The following RABGAP1L variants were observed in gnomAD, a reference collection of about 807,000 sequenced individuals.
The protein encoded by RABGAP1L is rab GTPase-activating protein 1-like.
In RABGAP1L, 63 loss-of-function variants were observed where a neutral mutation model predicts 137.7. The observed-to-expected ratio is 0.46, with a 90% CI of 0.37 to 0.56. The LOEUF (loss-of-function observed/expected upper bound fraction) is 0.56. Among genes scored for constraint, RABGAP1L ranks in the 20% least tolerant of loss-of-function variants. The pLI is 0.00. For missense variants in RABGAP1L, 1,095 were observed against 1,244.0 expected (o/e 0.88, Z 1.80); for synonymous variants, 431 against 433.7 (o/e 0.99, Z 0.08).
chr1:174,784,105 C>T (rs1356499112), intron 18 of RABGAP1L, among the ~76,000 whole-genome samples: 1 of 147,524 alleles, frequency 6.8e-6, no homozygotes, highest in African/African-American at 2.5e-5. Flanking sequence ...CTACAAGCTC[C>T]GCCTCCCGGG....
chr1:174,752,846 A>G (rs758231814), intron 18 of RABGAP1L, among the ~76,000 whole-genome samples: 18 of 152,216 alleles, frequency 1.2e-4, no homozygotes, highest in Non-Finnish European at 2.4e-4. Context: ...TTAGAATTCT[A>G]TTGTAATTAC....
chr1:174,884,292 C>T (rs751261502), intron 19 of RABGAP1L, among the ~76,000 whole-genome samples: 1 of 152,140 alleles, frequency 6.6e-6, no homozygotes, highest in Non-Finnish European at 1.5e-5. Flanking sequence ...TAATTACTTC[C>T]TCCTTATCGG....
intron 7 of RABGAP1L, among the ~76,000 whole-genome samples, chr1:174,258,056 T>G (rs1025007798): frequency 6.6e-6 from 1 of 152,238 alleles, no homozygotes; most frequent in African/African-American, 2.4e-5. Context: ...TGACTAAGAT[T>G]TCTTCAGGTG....
At chr1:174,266,596 G>C (rs1169802079) in intron 7 of RABGAP1L, among the ~76,000 whole-genome samples, 2 of 152,150 alleles carry the variant, frequency 1.3e-5, no homozygotes, top group Non-Finnish European at 2.9e-5. Flanking sequence ...AACAAACTCT[G>C]CTGTTCAGTC....
intron 13 of RABGAP1L, among the ~76,000 whole-genome samples, chr1:174,613,172 C>A (rs1188486123): frequency 6.0e-5 from 9 of 150,510 alleles, no homozygotes; most frequent in African/African-American, 2.0e-4. Flanking sequence ...TGGATCTTTC[C>A]TGCTTTCTCT....
At chr1:174,438,715 CA>C (rs199672966) in intron 13 of RABGAP1L, among the ~76,000 whole-genome samples, 1 of 88,048 alleles carries the variant, frequency 1.1e-5, no homozygotes, top group Non-Finnish European at 2.1e-5. Context: ...AAGACTCTGT[CA>C]AAAAAAACCC....
chr1:174,272,381 TTA>T (rs779275937), intron 7 of RABGAP1L, 31 bp from the exon 8 acceptor site: 6 of 1,598,884 alleles, frequency 3.8e-6, no homozygotes, highest in Middle Eastern at 1.7e-4. Context: ...TCTTGATACC[TTA>T]TTTCTCCTTT....
chr1:174,780,083 TAAA>T (rs1461504288), intron 18 of RABGAP1L, among the ~76,000 whole-genome samples: 4 of 147,580 alleles, frequency 2.7e-5, no homozygotes, highest in Non-Finnish European at 4.5e-5. Flanking sequence ...AATAAATAAA[TAAA>T]TAAATAAATA....
intron 18 of RABGAP1L, among the ~76,000 whole-genome samples, chr1:174,763,060 C>A (rs929591795): frequency 2.0e-5 from 3 of 151,788 alleles, no homozygotes; most frequent in Non-Finnish European, 4.4e-5. Context: ...AGTGATCCAC[C>A]CGCCTTGGCC....
intron 13 of RABGAP1L, among the ~76,000 whole-genome samples, chr1:174,567,651 A>G (rs1667674778): frequency 6.6e-6 from 1 of 152,224 alleles, no homozygotes; most frequent in Non-Finnish European, 1.5e-5. Flanking sequence ...ACAATGTAGT[A>G]TTATAACAGT....
intron 19 of RABGAP1L, among the ~76,000 whole-genome samples, chr1:174,819,914 A>C (rs1367935829): frequency 6.6e-6 from 1 of 152,216 alleles, no homozygotes; most frequent in Non-Finnish European, 1.5e-5. Flanking sequence ...GGAATAGGCA[A>C]GGGAAGGATG....
intron 13 of RABGAP1L, among the ~76,000 whole-genome samples, chr1:174,451,440 C>G (rs1655433902): frequency 6.6e-6 from 1 of 152,186 alleles, no homozygotes; most frequent in African/African-American, 2.4e-5. Context: ...GCTCACTGTT[C>G]ACTTTTACAT....
intron 19 of RABGAP1L, among the ~76,000 whole-genome samples, chr1:174,925,776 T>C (rs1345086789): frequency 6.6e-6 from 1 of 150,620 alleles, no homozygotes; most frequent in Non-Finnish European, 1.5e-5. Context: ...TTTTAGTTTT[T>C]TGTGCAATTA....
chr1:174,431,226 CA>C (rs1652594212), intron 13 of RABGAP1L, among the ~76,000 whole-genome samples: 1 of 151,898 alleles, frequency 6.6e-6, no homozygotes, highest in Non-Finnish European at 1.5e-5. Flanking sequence ...TTTTACTGTA[CA>C]AAAGTTGAAG....
At chr1:174,969,224 G>A (rs1215463230) in intron 20 of RABGAP1L, 53 bp from the exon 21 acceptor site, 3 of 1,365,392 alleles carry the variant, frequency 2.2e-6, no homozygotes, top group East Asian at 2.5e-5. Flanking sequence ...AGTTCTGTTC[G>A]TTTCTGTATG....
chr1:174,542,005 T>C (rs965934040), intron 13 of RABGAP1L, among the ~76,000 whole-genome samples: 2 of 152,248 alleles, frequency 1.3e-5, no homozygotes, highest in Non-Finnish European at 2.9e-5. Context: ...CAGTATTTTA[T>C]TGAGGATCTT....
At chr1:174,188,929 A>G (rs1667008295) in intron 1 of RABGAP1L, among the ~76,000 whole-genome samples, 1 of 152,224 alleles carries the variant, frequency 6.6e-6, no homozygotes, top group Admixed American at 6.5e-5. Context: ...TTAGCCTCTA[A>G]CGAGAGTCAG....
chr1:174,828,490 T>C (rs1372433622), intron 19 of RABGAP1L, among the ~76,000 whole-genome samples: 3 of 148,008 alleles, frequency 2.0e-5, no homozygotes, highest in African/African-American at 4.9e-5. Context: ...GTGGAGTGCC[T>C]GGAGAAGGCA....
chr1:174,618,904 C>A (rs374031443), intron 13 of RABGAP1L, among the ~76,000 whole-genome samples: 6 of 152,058 alleles, frequency 3.9e-5, no homozygotes, highest in Non-Finnish European at 8.8e-5. Context: ...AAAATTTAGA[C>A]GAATGTATAA....
Sources: allele counts gnomAD v4.1 joint callset (sites outside exome capture counted in the v4.1 genomes callset), GRCh38; gene constraint gnomAD v4.1.1; transcripts MANE v1.5; gene names NCBI Gene and HGNC (gene_info 2026-07-23, HGNC 2026-07-21).